GPR137C: variants seen among roughly 807,000 people sequenced by gnomAD.
The protein encoded by GPR137C is integral membrane protein GPR137C.
GPR137C carries 27 observed loss-of-function variants against 43.4 expected under a neutral mutation model. The observed-to-expected ratio is 0.62, with a 90% CI of 0.46 to 0.86. The LOEUF (loss-of-function observed/expected upper bound fraction) is 0.86, where lower values mean the gene tolerates loss of function less well. Among genes scored for constraint, GPR137C ranks in the 40% least tolerant of loss-of-function variants. The pLI is 0.00. For missense variants in GPR137C, 522 were observed against 534.6 expected, an observed-to-expected ratio of 0.98 and a Z score of 0.23; for synonymous variants, 285 against 226.9, an observed-to-expected ratio of 1.26 and a Z score of -2.30.
chr14:52,552,933 G>A lies in GPR137C; in HGVS notation c.-215G>A, dbSNP rs1383915448. On this transcript the variant is annotated 5_prime_UTR_variant, in exon 1 of 7. Coordinates refer to ENST00000321662, the MANE Select transcript of GPR137C (RefSeq NM_001099652.2). Reference sequence around the variant, plus strand: ...CTACGGAGCCGAGCCGCAGCAGGAGGAGCCGAGACCCCCGGGGGGTGGGGG... The same window carrying A: ...CTACGGAGCCGAGCCGCAGCAGGAGAAGCCGAGACCCCCGGGGGGTGGGGG... Among the ~76,000 whole-genome samples, 3 of 151,888 alleles carry A rather than the reference G, an allele frequency of 2.0e-5. No individual in the cohort carries two copies. The highest frequency in any genetic ancestry group is 2.0e-4 in the East Asian group (1 of 5,124).
intron 3 of GPR137C, chr14:52,611,971 G>A: frequency 1.0e-6 from 1 of 985,154 alleles, no homozygotes; most frequent in African/African-American, 1.7e-5. Context: ...TACAAAACTT[G>A]GAAAAATCCT....
At chr14:52,588,227 C>G (rs11627239) in intron 1 of GPR137C, among the ~76,000 whole-genome samples, 13,646 of 152,244 alleles carry the variant, frequency 0.09, 679 homozygotes, top group South Asian at 0.15. Flanking sequence ...TCACTGCACC[C>G]TCTGCCTCCC....
chr14:52,616,319 G>T (rs565500548), intron 3 of GPR137C, among the ~76,000 whole-genome samples: 1 of 151,890 alleles, frequency 6.6e-6, no homozygotes, highest in Admixed American at 6.6e-5. Flanking sequence ...TTTGAGACAG[G>T]GTCTTGCCCT....
chr14:52,580,464 C>T (rs1177302659), intron 1 of GPR137C, among the ~76,000 whole-genome samples: 1 of 152,100 alleles, frequency 6.6e-6, no homozygotes, highest in Non-Finnish European at 1.5e-5. Context: ...TGGGCCCAAG[C>T]AGTTCTCCTG....
intron 1 of GPR137C, among the ~76,000 whole-genome samples, chr14:52,557,797 CT>C (rs2038217111): frequency 6.6e-6 from 1 of 152,144 alleles, no homozygotes; most frequent in Non-Finnish European, 1.5e-5. Context: ...AGTTGTGATA[CT>C]ATTGTATAGC....
intron 1 of GPR137C, among the ~76,000 whole-genome samples, chr14:52,561,034 A>G (rs2139436648): frequency 6.6e-6 from 1 of 152,352 alleles, no homozygotes; most frequent in South Asian, 2.1e-4. Context: ...TGAACAAAGG[A>G]TTTGAACAGA....
intron 3 of GPR137C, among the ~76,000 whole-genome samples, chr14:52,630,177 G>A (rs1040384917): frequency 2.6e-5 from 4 of 152,028 alleles, no homozygotes; most frequent in Non-Finnish European, 4.4e-5. Context: ...TGTTTTGTTT[G>A]TTGTATTAAT....
chr14:52,634,379 C>G (rs757165553), intron 6 of GPR137C, among the ~76,000 whole-genome samples: 7 of 152,052 alleles, frequency 4.6e-5, no homozygotes, highest in Admixed American at 2.0e-4. Flanking sequence ...AAAACCATTT[C>G]AAGTCCGTAA....
chr14:52,569,673 A>C (rs1312825520), intron 1 of GPR137C, among the ~76,000 whole-genome samples: 1 of 151,838 alleles, frequency 6.6e-6, no homozygotes, highest in Non-Finnish European at 1.5e-5. Flanking sequence ...AAATCTATCA[A>C]GCAGAAGAAA....
At chr14:52,634,599 A>G (rs1189016516) in intron 6 of GPR137C, among the ~76,000 whole-genome samples, 1 of 152,154 alleles carries the variant, frequency 6.6e-6, no homozygotes, top group Non-Finnish European at 1.5e-5. Context: ...AAATGAATGT[A>G]TATGTGTGTC....
At chr14:52,591,508 A>G (rs766832317) in intron 1 of GPR137C, among the ~76,000 whole-genome samples, 4 of 152,134 alleles carry the variant, frequency 2.6e-5, no homozygotes, top group African/African-American at 4.8e-5. Context: ...TGACTTTTTA[A>G]TGATCACCAT....
At chr14:52,574,920 A>G (rs2038528190) in intron 1 of GPR137C, among the ~76,000 whole-genome samples, 1 of 152,212 alleles carries the variant, frequency 6.6e-6, no homozygotes, top group Non-Finnish European at 1.5e-5. Context: ...ATGAAAAATC[A>G]GTAATATACA....
At chr14:52,601,726 T>A (rs2038928141) in intron 3 of GPR137C, among the ~76,000 whole-genome samples, 1 of 152,072 alleles carries the variant, frequency 6.6e-6, no homozygotes, top group Admixed American at 6.6e-5. Context: ...TTATTTAGTA[T>A]AATAACATCA....
At chr14:52,630,797 A>G (rs575720890) in intron 3 of GPR137C, among the ~76,000 whole-genome samples, 7 of 152,322 alleles carry the variant, frequency 4.6e-5, no homozygotes, top group African/African-American at 1.4e-4. Flanking sequence ...ACCTACACAC[A>G]TAAAATTCAG....
chr14:52,567,662 GTTT>G (rs397853244), intron 1 of GPR137C, among the ~76,000 whole-genome samples: 1 of 134,126 alleles, frequency 7.5e-6, no homozygotes. Context: ...TTTTTTTTTG[GTTT>G]TTTTTTTTTT....
intron 3 of GPR137C, among the ~76,000 whole-genome samples, chr14:52,624,732 A>G (rs1463753844): frequency 6.6e-6 from 1 of 151,710 alleles, no homozygotes; most frequent in East Asian, 1.9e-4. Flanking sequence ...TCAAAAAAAA[A>G]AAAAACTGAA....
chr14:52,617,795 A>C (rs940618456), intron 3 of GPR137C, among the ~76,000 whole-genome samples: 2 of 152,226 alleles, frequency 1.3e-5, no homozygotes, highest in Non-Finnish European at 1.5e-5. Context: ...AGCATCTTTA[A>C]GCTTCACTTT....
At chr14:52,574,829 C>T (rs550577291) in intron 1 of GPR137C, among the ~76,000 whole-genome samples, 1 of 152,262 alleles carries the variant, frequency 6.6e-6, no homozygotes, top group South Asian at 2.1e-4. Context: ...GATCTATTTC[C>T]TTTGGTGAAT....
chr14:52,610,682 G>A (rs1397195000), intron 3 of GPR137C, among the ~76,000 whole-genome samples: 2 of 152,192 alleles, frequency 1.3e-5, no homozygotes, highest in African/African-American at 4.8e-5. Context: ...GGGGACGACT[G>A]TAGTAGATGT....
Sources: gnomAD v4.1 joint callset for allele counts (sites outside exome capture counted in the v4.1 genomes callset) on GRCh38, gnomAD v4.1.1 for gene constraint, MANE v1.5 for transcripts, NCBI Gene and HGNC (gene_info 2026-07-23, HGNC 2026-07-21) for gene names.